C20orf204: variants seen among roughly 807,000 people sequenced by gnomAD.
The protein encoded by C20orf204 is chromosome 20 open reading frame 204.
Under a neutral mutation model 3.6 loss-of-function variants are expected in C20orf204, and 6 were observed. The observed-to-expected ratio is 1.68, with a 90% CI of 0.92 to 3.31. The LOEUF (loss-of-function observed/expected upper bound fraction) is 3.31, where lower values mean the gene tolerates loss of function less well. C20orf204 is among the 30% of genes most tolerant of loss of function. The pLI, the probability that C20orf204 is intolerant of heterozygous loss-of-function variation, is 0.00. For synonymous variants in C20orf204, 80 were observed against 41.4 expected (o/e 1.93, Z -3.58); for missense variants, 167 against 89.7 (o/e 1.86, Z -3.48).
chr20:64,034,366 G>C (rs1280867818), upstream of C20orf204: 1 of 152,504 alleles, frequency 6.6e-6, no homozygotes, highest in Non-Finnish European at 1.5e-5. Context: ...CTGCACGTGG[G>C]GCGGTCCTGG....
chr20:64,038,221 T>A lies in C20orf204; in HGVS notation c.279+19T>A, dbSNP rs1464897735. 2 of 720,630 alleles carry A rather than the reference T, an allele frequency of 2.8e-6. No homozygotes were observed. The highest frequency in any genetic ancestry group is 3.6e-5 in the African/African-American group (2 of 55,768). 44.6% of individuals were successfully genotyped at this position (720,630 alleles called of 1,614,324 possible). On this transcript the variant is annotated intron_variant, in intron 2 of 3. Transcript: ENST00000636176. ...CCAGAAGGTATGGAGGAGGCGCCCC[T>A]ACCCAAGCTCGCCGGCCTGCTCCTC...
At chr20:64,035,333 G>A (rs934822458), upstream of C20orf204, 4 of 152,240 alleles carry the variant, frequency 2.6e-5, no homozygotes, top group African/African-American at 9.6e-5. Flanking sequence ...ATCCAAACAC[G>A]GAAAAGGCAA....
In C20orf204 at chr20:64,038,360, G is replaced by A. The variant is rs1030114605; in HGVS notation, c.344G>A (p.Gly115Asp). Residue 115 changes from glycine to aspartate, a missense_variant, in exon 3 of 4, where the codon GGC becomes GAC. Coordinates refer to ENST00000636176, the MANE Select transcript of C20orf204 (RefSeq NM_001387010.1). ...ACCCTGCGCGGGGCGGTGGCCGGGG[G>A]CCGCCGCGGGGCCCTGGAGAGAGCT... is the stretch of plus-strand genomic sequence containing the variant. ...GRTLRGAVAG[G>D]RRGALERAAW... 1.3e-6 allele frequency: 1 copy of A among 764,562 alleles called. No individual in the cohort carries two copies. The highest frequency in any genetic ancestry group is 2.5e-5 in the East Asian group (1 of 40,220). The allele number at this position is 764,562 out of a possible 1,614,324, so 47.4% of individuals were successfully genotyped here.
Position 64,038,444 on chromosome 20 carries a change from G to T in C20orf204, c.428G>T (p.Arg143Leu), listed in dbSNP as rs781757806. ...ATGCGGCGCCACTGCAGGACGCTGCGCCAGGTGTGCGTCCCTGAGTGCACC... is the reference window on the plus strand; with the variant it reads ...ATGCGGCGCCACTGCAGGACGCTGCTCCAGGTGTGCGTCCCTGAGTGCACC... ...AVMRRHCRTL[R>L]QRSRRPKMRP... The change falls in exon 3 of 4, where the codon CGC (arginine) becomes CTC (leucine). Residue 143 changes from arginine (R) to leucine (L), a missense_variant. Coordinates refer to ENST00000636176, the MANE Select transcript of C20orf204 (RefSeq NM_001387010.1). 20 of 760,366 alleles carry T rather than the reference G, an allele frequency of 2.6e-5. No homozygotes were observed. In the South Asian group the frequency reaches 2.7e-4, roughly 10 times the overall value. The allele number at this position is 760,366 out of a possible 1,614,324, so 47.1% of individuals were successfully genotyped here.
rs957795866 is a variant in C20orf204 at position 64,038,774 on chromosome 20, G to GC, written c.*18dup. The GC allele has an allele frequency of 5.7e-6, 4 of 696,308 alleles. No homozygotes were observed. In the African/African-American group the frequency reaches 7.4e-5, roughly 13 times the overall value. The allele number at this position is 696,308 out of a possible 1,614,324, so 43.1% of individuals were successfully genotyped here. ...GGGACTCCTAGCGCGGCCCGTCCTGGCCCTGCGCGGGGAGGAGAACCAGCG... is the reference window on the plus strand; with the variant it reads ...GGGACTCCTAGCGCGGCCCGTCCTGGCCCCTGCGCGGGGAGGAGAACCAGCG... On this transcript the variant is annotated 3_prime_UTR_variant, in exon 4 of 4. Transcript: ENST00000636176.
chr20:64,037,555 C>T (rs1307840745), intron 1 of C20orf204: 2 of 192,058 alleles, frequency 1.0e-5, no homozygotes, highest in Non-Finnish European at 2.1e-5. Context: ...CCACCCCTTG[C>T]TGGCCCCACT....
In C20orf204 at chr20:64,038,982, C is replaced by T; in HGVS notation, c.*223C>T. ...GCGCCGAAGGCCTCAATAAACGGAG[C>T]TGGCGCTGCGGGTCCGGCACTCCCT... On this transcript the variant is annotated 3_prime_UTR_variant, in exon 4 of 4. Transcript: ENST00000636176. 1 of 708,908 alleles carries T rather than the reference C, an allele frequency of 1.4e-6. No individual in the cohort carries two copies. Among genetic ancestry groups the T allele is most frequent in the East Asian group, 2.8e-5 (1 of 36,140 alleles). 43.9% of individuals were successfully genotyped at this position (708,908 alleles called of 1,614,324 possible).
upstream of C20orf204, chr20:64,035,895 C>G (rs1208285069): frequency 6.6e-6 from 1 of 152,578 alleles, no homozygotes; most frequent in African/African-American, 2.4e-5. Context: ...ACCTGGCTCC[C>G]CTCCCCCACC....
chr20:64,038,852 C>T lies in C20orf204; in HGVS notation c.*93C>T, dbSNP rs1338578615. ...CTCGTTCTGTAGACTTGTTGGTGAC[C>T]TCGGCCCCTCGCTCGACGCAGCCCG... On this transcript the variant is annotated 3_prime_UTR_variant, in exon 4 of 4. Coordinates refer to ENST00000636176, the MANE Select transcript of C20orf204 (RefSeq NM_001387010.1). The T allele has an allele frequency of 4.1e-6, 3 of 723,900 alleles. No individual in the cohort carries two copies. The highest frequency in any genetic ancestry group is 5.4e-5 in the East Asian group (2 of 36,910). The allele number at this position is 723,900 out of a possible 1,614,324, so 44.8% of individuals were successfully genotyped here. A position where few individuals can be genotyped will look rare whatever the true frequency, so the allele number is the denominator to read the frequency against.
rs1353283649 is a variant in C20orf204, at chr20:64,038,309, T to G, written c.293T>G (p.Leu98Arg). 2 of 646,338 alleles carry G rather than the reference T, an allele frequency of 3.1e-6. No homozygotes were observed. Among genetic ancestry groups the G allele is most frequent in the Non-Finnish European group, 3.0e-6 (1 of 337,530 alleles). The allele number at this position is 646,338 out of a possible 1,614,324, so 40.0% of individuals were successfully genotyped here. A position where few individuals can be genotyped will look rare whatever the true frequency, so the allele number is the denominator to read the frequency against. Residue 98 changes from leucine to arginine, a missense_variant, in exon 3 of 4, where the codon CTC becomes CGC. By Grantham distance (102) the Leu-to-Arg change is moderately radical. Coordinates refer to ENST00000636176, the MANE Select transcript of C20orf204 (RefSeq NM_001387010.1). ...SCGAQKEHSI[L>R]LSISSLGRTL... ...TTCCCTCCCCAGGAGCACAGTATCC[T>G]CCTGTCCATCTCGTCCCTGGGTCGG...
At position 64,038,425 on chromosome 20, in the gene C20orf204, C is replaced by A. The variant is rs201719918; in HGVS notation, c.409C>A (p.Arg137Ser). 2.7e-4 allele frequency: 211 copies of A among 769,868 alleles called. No homozygotes were observed. The highest frequency in any genetic ancestry group is 4.4e-4 in the Non-Finnish European group (181 of 414,614). 47.7% of individuals were successfully genotyped at this position (769,868 alleles called of 1,614,324 possible). Residue 137 changes from arginine (R) to serine (S), a missense_variant, in exon 3 of 4, where the codon CGC (arginine) becomes AGC (serine). Arg to Ser is a moderately radical substitution (Grantham distance 110, BLOSUM62 -1). Transcript: ENST00000636176. ...TGTGCGCACCGAGGCGGTGATGCGG[C>A]GCCACTGCAGGACGCTGCGCCAGGT... is the stretch of plus-strand genomic sequence containing the variant. Reference protein sequence around the residue: ...VAVRTEAVMRRHCRTLRQRSR... With the variant: ...VAVRTEAVMRSHCRTLRQRSR...
At position 64,038,688 on chromosome 20, in the gene C20orf204, G is replaced by A; in HGVS notation, c.499G>A (p.Ala167Thr). Reference protein sequence around the residue: ...RGGRRQLLLRALDAVATCWEK... With the variant: ...RGGRRQLLLRTLDAVATCWEK... ...CGGCCGAAGGCAGCTCCTGCTGCGC[G>A]CCCTGGACGCCGTCGCCACCTGCTG... Residue 167 changes from alanine to threonine, a missense_variant, in exon 4 of 4, where the codon GCC (alanine) becomes ACC (threonine). Physicochemically the swap from Ala to Thr is moderately conservative, Grantham distance 58 (BLOSUM62 0). Coordinates refer to ENST00000636176, the MANE Select transcript of C20orf204 (RefSeq NM_001387010.1). 1 of 661,400 alleles carries A rather than the reference G, an allele frequency of 1.5e-6. No homozygotes were observed. Among genetic ancestry groups the A allele is most frequent in the South Asian group, 1.6e-5 (1 of 62,798 alleles). 41.0% of individuals were successfully genotyped at this position (661,400 alleles called of 1,614,324 possible). A position where few individuals can be genotyped will look rare whatever the true frequency, so the allele number is the denominator to read the frequency against.
intron 1 of C20orf204, chr20:64,037,645 T>A: frequency 3.0e-6 from 1 of 338,262 alleles, no homozygotes. Context: ...CAGGACTCAG[T>A]GACATCGCCT....
rs1350486693 is a variant in C20orf204, at chr20:64,038,928, C to T, written c.*169C>T. 1 of 727,312 alleles carries T rather than the reference C, an allele frequency of 1.4e-6. No individual in the cohort carries two copies. Among genetic ancestry groups the T allele is most frequent in the Non-Finnish European group, 2.5e-6 (1 of 393,874 alleles). 45.1% of individuals were successfully genotyped at this position (727,312 alleles called of 1,614,324 possible). On this transcript the variant is annotated 3_prime_UTR_variant, in exon 4 of 4. Transcript: ENST00000636176. ...GAGAAGGGAGCGCGCCTGGCCGCCG[C>T]TGGGTCACGGAGGAGGCCCGCCCTC...
chr20:64,038,941 G>A lies in C20orf204; in HGVS notation c.*182G>A, dbSNP rs76063107. ...GCCTGGCCGCCGCTGGGTCACGGAG[G>A]AGGCCCGCCCTCCACGCGCCGAAGG... On this transcript the variant is annotated 3_prime_UTR_variant, in exon 4 of 4. Transcript: ENST00000636176. 5,376 of 726,544 alleles carry A rather than the reference G, an allele frequency of 7.4e-3. 154 individuals are homozygous for A. Among genetic ancestry groups the A allele is most frequent in the African/African-American group, 0.069 (3,876 of 56,056 alleles). The allele number at this position is 726,544 out of a possible 1,614,324, so 45.0% of individuals were successfully genotyped here. A position where few individuals can be genotyped will look rare whatever the true frequency, so the allele number is the denominator to read the frequency against.
chr20:64,037,718 A>T lies in C20orf204; in HGVS notation c.4-209A>T, dbSNP rs1195079857. On this transcript the variant is annotated intron_variant, in intron 1 of 3. Transcript: ENST00000636176. ...GGGAGCATAGAACTGTCTGGTTTGCAGACCTATCTCTTGTGTCTCCTGATT... is the reference window on the plus strand; with the variant it reads ...GGGAGCATAGAACTGTCTGGTTTGCTGACCTATCTCTTGTGTCTCCTGATT... 10 of 397,508 alleles carry T rather than the reference A, an allele frequency of 2.5e-5. No individual in the cohort carries two copies. In the East Asian group the frequency reaches 3.6e-4, roughly 14 times the overall value. The allele number at this position is 397,508 out of a possible 1,614,324, so 24.6% of individuals were successfully genotyped here.
At position 64,038,325 on chromosome 20, in the gene C20orf204, C is replaced by T; in HGVS notation, c.309C>T (p.Ser103=). 1.3e-6 allele frequency: 1 copy of T among 762,290 alleles called. No homozygotes were observed. Among genetic ancestry groups the T allele is most frequent in the Non-Finnish European group, 2.4e-6 (1 of 410,642 alleles). The allele number at this position is 762,290 out of a possible 1,614,324, so 47.2% of individuals were successfully genotyped here. The change falls in exon 3 of 4, where the codon TCC becomes TCT. Residue 103 remains serine, a synonymous_variant. Coordinates refer to ENST00000636176, the MANE Select transcript of C20orf204 (RefSeq NM_001387010.1). ...KEHSILLSIS[S]LGRTLRGAVA... is the part of the protein sequence containing the mutation. ...ACAGTATCCTCCTGTCCATCTCGTC[C>T]CTGGGTCGGACCCTGCGCGGGGCGG...
At position 64,038,412 on chromosome 20, in the gene C20orf204, G is replaced by C; in HGVS notation, c.396G>C (p.Glu132Asp). 1.3e-6 allele frequency: 1 copy of C among 770,666 alleles called. No homozygotes were observed. Among genetic ancestry groups the C allele is most frequent in the Non-Finnish European group, 2.4e-6 (1 of 414,990 alleles). 47.7% of individuals were successfully genotyped at this position (770,666 alleles called of 1,614,324 possible). A position where few individuals can be genotyped will look rare whatever the true frequency, so the allele number is the denominator to read the frequency against. ...CTTGGACCGTGGCTGTGCGCACCGA[G>C]GCGGTGATGCGGCGCCACTGCAGGA... ...RAAWTVAVRT[E>D]AVMRRHCRTL... The change falls in exon 3 of 4, where the codon GAG (glutamate) becomes GAC (aspartate). Residue 132 changes from glutamate (E) to aspartate (D), a missense_variant. Coordinates refer to ENST00000636176, the MANE Select transcript of C20orf204 (RefSeq NM_001387010.1).
At chr20:64,035,410 T>C (rs1430753990), upstream of C20orf204, 1 of 152,274 alleles carries the variant, frequency 6.6e-6, no homozygotes, top group Non-Finnish European at 1.5e-5. Flanking sequence ...TTCTTGACTA[T>C]TGTGAGTCAC....
Sources: allele counts gnomAD v4.1 joint callset, GRCh38; gene constraint gnomAD v4.1.1; transcripts MANE v1.5; gene names NCBI Gene and HGNC (gene_info 2026-07-23, HGNC 2026-07-21).